The following RBMS3 variants were observed in gnomAD, a reference collection of about 807,000 sequenced individuals.
RBMS3 encodes the protein RNA binding motif single stranded interacting protein 3, also known as RNA-binding motif, single-stranded-interacting protein 3.
RBMS3 carries 27 observed loss-of-function variants against 66.8 expected under a neutral mutation model. The observed-to-expected ratio is 0.40, with a 90% CI of 0.30 to 0.56. The LOEUF (loss-of-function observed/expected upper bound fraction) is 0.56. Among genes scored for constraint, RBMS3 ranks in the 20% least tolerant of loss-of-function variants. RBMS3 has a pLI of 0.40. For missense variants in RBMS3, 513 were observed against 549.5 expected (o/e 0.93, Z 0.66); for synonymous variants, 188 against 183.0 (o/e 1.03, Z -0.22).
At chr3:29,696,032 G>T in intron 4 of RBMS3, among the ~76,000 whole-genome samples, 1 of 152,186 alleles carries the variant, frequency 6.6e-6, no homozygotes, top group East Asian at 1.9e-4. Context: ...CTTTCTTGCC[G>T]TCAGTAAAGA....
intron 6 of RBMS3, among the ~76,000 whole-genome samples, chr3:29,819,014 T>A (rs1450637395): frequency 6.6e-6 from 1 of 152,102 alleles, no homozygotes; most frequent in Non-Finnish European, 1.5e-5. Context: ...GAAATTTTAG[T>A]AAAATTAAGA....
At position 29,786,892 on chromosome 3, in the gene RBMS3, G is replaced by A. The variant is rs1313002340; in HGVS notation, c.637+23903G>A. ...TGCACAGGAAAAGAAATAATGAGCA[G>A]AGTTAACAGACAACCCACAGAGTGG... is the stretch of plus-strand genomic sequence containing the variant. On this transcript the variant is annotated intron_variant, in intron 6 of 14. Coordinates refer to ENST00000383767, the MANE Select transcript of RBMS3 (RefSeq NM_001003793.3). 2.0e-5 allele frequency among the ~76,000 whole-genome samples: 3 copies of A among 152,108 alleles called. No individual in the cohort carries two copies. The East Asian group carries it at 5.8e-4, about 29-fold the overall frequency.
At chr3:29,448,117 T>C (rs536868609) in intron 2 of RBMS3, among the ~76,000 whole-genome samples, 1 of 152,340 alleles carries the variant, frequency 6.6e-6, no homozygotes, top group Non-Finnish European at 1.5e-5. Context: ...CACAGAACAG[T>C]GGTGCAATTG....
chr3:29,748,146 A>G (rs937262358), intron 5 of RBMS3, among the ~76,000 whole-genome samples: 1 of 152,164 alleles, frequency 6.6e-6, no homozygotes, highest in African/African-American at 2.4e-5. Flanking sequence ...ACAAATCAGA[A>G]AGAACCAGCC....
At chr3:29,780,539 A>G in intron 6 of RBMS3, among the ~76,000 whole-genome samples, 1 of 152,104 alleles carries the variant, frequency 6.6e-6, no homozygotes, top group East Asian at 1.9e-4. Context: ...AGATTTCATT[A>G]ATATTCATTT....
chr3:29,757,519 AC>A (rs376764976), intron 5 of RBMS3, among the ~76,000 whole-genome samples: 559 of 152,262 alleles, frequency 3.7e-3, no homozygotes, highest in Non-Finnish European at 6.2e-3. Context: ...GGAGTTTTCA[AC>A]CCTGGCTGCA....
At chr3:29,717,913 T>A (rs1475087900) in intron 4 of RBMS3, among the ~76,000 whole-genome samples, 1 of 152,104 alleles carries the variant, frequency 6.6e-6, no homozygotes, top group Non-Finnish European at 1.5e-5. Flanking sequence ...TCAGGGAAAA[T>A]AATTCATAAA....
At position 29,749,719 on chromosome 3, in the gene RBMS3, A is replaced by G. The variant is rs539308578; in HGVS notation, c.557+9842A>G. Among the ~76,000 whole-genome samples the G allele has an allele frequency of 1.9e-4, 29 of 152,294 alleles. No homozygotes were observed. In the East Asian group the frequency reaches 5.2e-3, roughly 27 times the overall value. ...TAAGAGAACCATGTAAAAATGTATC[A>G]TGCCAGTCTTTTCCAGAGGCCTTTT... On this transcript the variant is annotated intron_variant, in intron 5 of 14. Transcript: ENST00000383767.
chr3:29,874,788 C>T (rs3773113), intron 7 of RBMS3, among the ~76,000 whole-genome samples: 7,818 of 152,134 alleles, frequency 0.051, 320 homozygotes, highest in African/African-American at 0.1. Context: ...AGCATGAAAA[C>T]TTTCTTATTT....
chr3:29,776,203 C>T (rs1009642675), intron 6 of RBMS3, among the ~76,000 whole-genome samples: 8 of 152,104 alleles, frequency 5.3e-5, no homozygotes, highest in East Asian at 1.9e-4. Flanking sequence ...GAGATCCTCA[C>T]GGCCAGGATC....
intron 10 of RBMS3, among the ~76,000 whole-genome samples, chr3:29,900,722 A>G (rs144210018): frequency 2.4e-4 from 37 of 151,930 alleles, no homozygotes; most frequent in African/African-American, 7.9e-4. Context: ...ATCAAATGAG[A>G]GATCACATGT....
intron 11 of RBMS3, among the ~76,000 whole-genome samples, chr3:29,937,626 G>A (rs2061300576): frequency 6.6e-6 from 1 of 151,858 alleles, no homozygotes; most frequent in Admixed American, 6.6e-5. Flanking sequence ...GCAGTCGATG[G>A]TAACTTACCT....
At chr3:29,861,376 A>T (rs1280403441) in intron 6 of RBMS3, among the ~76,000 whole-genome samples, 2 of 152,170 alleles carry the variant, frequency 1.3e-5, no homozygotes, top group Non-Finnish European at 2.9e-5. Context: ...AGGAATTTTT[A>T]AATTTAAGAG....
At chr3:29,596,494 T>A (rs2047946590) in intron 4 of RBMS3, among the ~76,000 whole-genome samples, 1 of 152,232 alleles carries the variant, frequency 6.6e-6, no homozygotes, top group African/African-American at 2.4e-5. Flanking sequence ...ATAGGTTAAG[T>A]GCTTTTATAA....
intron 12 of RBMS3, among the ~76,000 whole-genome samples, chr3:29,955,018 C>A (rs554336191): frequency 2.8e-4 from 43 of 152,102 alleles, no homozygotes; most frequent in African/African-American, 9.6e-4. Flanking sequence ...CTAACAGCAG[C>A]CCTCTAACTC....
intron 6 of RBMS3, among the ~76,000 whole-genome samples, chr3:29,789,700 C>G (rs1009603138): frequency 1.3e-5 from 2 of 152,066 alleles, no homozygotes; most frequent in African/African-American, 4.8e-5. Context: ...AATAATATTT[C>G]TGGCTTTTTT....
chr3:29,340,043 A>T lies in RBMS3; in HGVS notation c.75+58287A>T, dbSNP rs376490648. ...ATTGCCTTGCATTTTTGCTGAGGACAGGTCTCTACTGATAGATATCTTCTA... is the reference window on the plus strand; with the variant it reads ...ATTGCCTTGCATTTTTGCTGAGGACTGGTCTCTACTGATAGATATCTTCTA... On this transcript the variant is annotated intron_variant, in intron 1 of 14. Coordinates refer to ENST00000383767, the MANE Select transcript of RBMS3 (RefSeq NM_001003793.3). Among the ~76,000 whole-genome samples the T allele has an allele frequency of 3.8e-4, 58 of 152,270 alleles. 2 individuals carry two copies. In the East Asian group the frequency reaches 6.0e-3, roughly 16 times the overall value.
intron 14 of RBMS3, among the ~76,000 whole-genome samples, chr3:29,996,550 G>A (rs1328784755): frequency 9.5e-4 from 142 of 149,564 alleles, no homozygotes; most frequent in African/African-American, 3.3e-3. Flanking sequence ...TAAAAGAACA[G>A]AAATTATAAC....
chr3:29,643,930 G>A (rs577672214), intron 4 of RBMS3, among the ~76,000 whole-genome samples: 4 of 152,252 alleles, frequency 2.6e-5, no homozygotes, highest in South Asian at 2.1e-4. Context: ...GAAAACCTCC[G>A]TTTAGGATAA....
Sources: allele counts gnomAD v4.1 joint callset (sites outside exome capture counted in the v4.1 genomes callset), GRCh38; gene constraint gnomAD v4.1.1; transcripts MANE v1.5; gene names NCBI Gene and HGNC (gene_info 2026-07-23, HGNC 2026-07-21).